The following HEATR5A variants were observed in gnomAD, a reference collection of about 807,000 sequenced individuals.
The protein encoded by HEATR5A is HEAT repeat containing 5A.
Under a neutral mutation model 218.8 loss-of-function variants are expected in HEATR5A, and 178 were observed. That is an observed-to-expected ratio of 0.81 (90% CI 0.72 to 0.92). The LOEUF (loss-of-function observed/expected upper bound fraction) is 0.92. Among genes scored for constraint, HEATR5A ranks in the 40% least tolerant of loss-of-function variants. HEATR5A has a pLI of 0.00. For missense variants in HEATR5A, 2,420 were observed against 2,418.9 expected, an observed-to-expected ratio of 1.00 and a Z score of -0.01; for synonymous variants, 864 against 871.6, an observed-to-expected ratio of 0.99 and a Z score of 0.15.
chr14:31,358,660 G>C lies in HEATR5A; in HGVS notation c.2388C>G (p.Cys796Trp), dbSNP rs777962758. The C allele has an allele frequency of 1.2e-6, 2 of 1,613,370 alleles. No homozygotes were observed. The highest frequency in any genetic ancestry group is 1.1e-5 in the South Asian group (1 of 90,992). Residue 796 changes from cysteine (C) to tryptophan (W), a missense_variant, in exon 16 of 36, where the codon TGC (cysteine) becomes TGG (tryptophan). Coordinates refer to ENST00000543095, the MANE Select transcript of HEATR5A (RefSeq NM_015473.4). ...SSASKLFGVV[C>W]AHVGETQRLL... is the part of the protein sequence containing the mutation. ...ACCTTTGAGTTTCTCCCACATGAGC[G>C]CATACAACCCCAAAGAGCTTGGATG... is the stretch of plus-strand genomic sequence containing the variant.
rs556476037 is a variant in HEATR5A at position 31,293,276 on chromosome 14, T to TGC, written c.*28_*29insGC. ...AGGCAATGATCAAGTATTTATTATA[T>TGC]TAAGGTGCTTACTATTCCAAAAAAA... On this transcript the variant is annotated 3_prime_UTR_variant, in exon 36 of 36. Coordinates refer to ENST00000543095, the MANE Select transcript of HEATR5A (RefSeq NM_015473.4). The TGC allele has an allele frequency of 3.2e-5, 48 of 1,516,904 alleles. No individual in the cohort carries two copies. Among genetic ancestry groups the TGC allele is most frequent in the Non-Finnish European group, 4.2e-5 (47 of 1,122,800 alleles). 94.0% of individuals were successfully genotyped at this position (1,516,904 alleles called of 1,614,324 possible).
chr14:31,323,426 T>G (rs1296682015), intron 24 of HEATR5A, 139 bp downstream of exon 24: 1 of 534,880 alleles, frequency 1.9e-6, no homozygotes, highest in African/African-American at 2.0e-5. Context: ...CCTCCCAAAG[T>G]GTTAGGATTA....
chr14:31,349,529 C>T (rs1459419769), intron 18 of HEATR5A, among the ~76,000 whole-genome samples: 11 of 152,188 alleles, frequency 7.2e-5, no homozygotes, highest in African/African-American at 2.7e-4. Context: ...TAGAGTCCAT[C>T]CCATTGATGA....
chr14:31,417,236 T>C (rs981152434), intron 1 of HEATR5A, among the ~76,000 whole-genome samples: 4 of 151,746 alleles, frequency 2.6e-5, no homozygotes, highest in African/African-American at 7.3e-5. Flanking sequence ...AGAGAAAATA[T>C]AAAAACTCTT....
intron 22 of HEATR5A, among the ~76,000 whole-genome samples, chr14:31,336,586 A>G (rs1478975510): frequency 4.4e-5 from 3 of 68,566 alleles, no homozygotes; most frequent in Non-Finnish European, 1.4e-4. Flanking sequence ...ATATACACTT[A>G]AATCTTACTG....
intron 3 of HEATR5A, 63 bp downstream of exon 3, chr14:31,400,238 C>G: frequency 3.6e-6 from 4 of 1,107,722 alleles, no homozygotes; most frequent in Non-Finnish European, 3.9e-6. Context: ...ACTATGGGTA[C>G]TTCATAAAAA....
At position 31,369,430 on chromosome 14, in the gene HEATR5A, T is replaced by G. The variant is rs551762812; in HGVS notation, c.1961+2380A>C. Among the ~76,000 whole-genome samples the G allele has an allele frequency of 2.6e-5, 4 of 151,996 alleles. No homozygotes were observed. In the East Asian group the frequency reaches 7.7e-4, roughly 29 times the overall value. ...AAGTTCAAAACCAGCCTGGCCAACA[T>G]GGCAAAATCCTGTCTCTATGAAAAA... On this transcript the variant is annotated intron_variant, in intron 13 of 35. Transcript: ENST00000543095.
rs1053510705 is a variant in HEATR5A at position 31,350,561 on chromosome 14, A to C, written c.2517+51T>G. ...TCCTCCGACAAACTTCATTGGCTAC[A>C]AATTTTTTAAAAAATGAAGCCAACA... On this transcript the variant is annotated intron_variant, in intron 17 of 35. Transcript: ENST00000543095. 20 of 1,034,618 alleles carry C rather than the reference A, an allele frequency of 1.9e-5. No individual in the cohort carries two copies. In the African/African-American group the frequency reaches 3.2e-4, roughly 17 times the overall value. 64.1% of individuals were successfully genotyped at this position (1,034,618 alleles called of 1,614,324 possible). A position where few individuals can be genotyped will look rare whatever the true frequency, so the allele number is the denominator to read the frequency against.
chr14:31,343,972 GC>G lies in HEATR5A; in HGVS notation c.3151del (p.Ala1051ProfsTer27), dbSNP rs867250034. The G allele has an allele frequency of 6.2e-7, 1 of 1,611,810 alleles. No homozygotes were observed. Reference sequence around the variant, plus strand: ...ATGAAGCTGCTGAAGGCAAGAGATGGCCTGAGCTTGAACAAGGCAGTCTGGG... The same window carrying G: ...ATGAAGCTGCTGAAGGCAAGAGATGGCTGAGCTTGAACAAGGCAGTCTGGG... ...DNPDCLVQAQ[A>X]ISCLQQLHMF... On this transcript the variant is annotated frameshift_variant, in exon 21 of 36. Transcript: ENST00000543095. LOFTEE classifies it high-confidence loss of function.
chr14:31,399,392 A>G (rs1010241344), intron 3 of HEATR5A, among the ~76,000 whole-genome samples: 3 of 152,252 alleles, frequency 2.0e-5, no homozygotes, highest in East Asian at 3.8e-4. Flanking sequence ...GAACTCAGCT[A>G]CATATTAGAT....
chr14:31,316,066 T>C (rs1899902690), intron 26 of HEATR5A, 117 bp from the exon 27 acceptor site: 3 of 736,314 alleles, frequency 4.1e-6, no homozygotes, highest in East Asian at 5.6e-5. Flanking sequence ...GCAGATCGCT[T>C]GAGCCCAGGA....
chr14:31,308,077 T>C, intron 29 of HEATR5A, 57 bp from the exon 30 acceptor site: 3 of 1,449,722 alleles, frequency 2.1e-6, no homozygotes, highest in Non-Finnish European at 2.8e-6. Context: ...TTTATGAAAT[T>C]AAGTAATTAA....
intron 24 of HEATR5A, among the ~76,000 whole-genome samples, chr14:31,323,251 C>G (rs1900165781): frequency 6.6e-6 from 1 of 152,158 alleles, no homozygotes. Flanking sequence ...AGCTCAAACT[C>G]CTGGGCTCAA....
At chr14:31,379,450 T>C (rs983535911) in intron 11 of HEATR5A, among the ~76,000 whole-genome samples, 6 of 151,682 alleles carry the variant, frequency 4.0e-5, no homozygotes, top group Non-Finnish European at 7.4e-5. Flanking sequence ...GGGTTTCACC[T>C]TGTTGGCCAG....
intron 33 of HEATR5A, among the ~76,000 whole-genome samples, chr14:31,298,208 T>C (rs980408845): frequency 3.6e-4 from 55 of 152,162 alleles, no homozygotes; most frequent in Admixed American, 8.5e-4. Context: ...CTGCTCCTAA[T>C]CCTGGACCCA....
intron 27 of HEATR5A, among the ~76,000 whole-genome samples, chr14:31,315,187 T>G (rs962614697): frequency 4.6e-5 from 7 of 152,052 alleles, no homozygotes; most frequent in African/African-American, 1.7e-4. Flanking sequence ...AAAAATTATA[T>G]GTGAACCAAG....
chr14:31,387,105 A>G lies in HEATR5A; in HGVS notation c.1189+15T>C. The G allele has an allele frequency of 6.2e-7, 1 of 1,613,428 alleles. No individual in the cohort carries two copies. ...TTAGCACTGTTAAACAAACTGTCTTAGTAGAGATCCATACCCATAACTTTC... is the reference window on the plus strand; with the variant it reads ...TTAGCACTGTTAAACAAACTGTCTTGGTAGAGATCCATACCCATAACTTTC... On this transcript the variant is annotated intron_variant, in intron 8 of 35. Transcript: ENST00000543095.
chr14:31,366,803 T>C (rs151138931), intron 13 of HEATR5A, among the ~76,000 whole-genome samples: 2 of 152,150 alleles, frequency 1.3e-5, no homozygotes, highest in East Asian at 3.9e-4. Context: ...AACATAAATA[T>C]CAATACCAAC....
At chr14:31,403,846 G>C (rs1024038012) in intron 1 of HEATR5A, among the ~76,000 whole-genome samples, 5 of 152,280 alleles carry the variant, frequency 3.3e-5, no homozygotes, top group African/African-American at 1.2e-4. Context: ...GCATATAAGT[G>C]TATGTATATA....
Sources: allele counts gnomAD v4.1 joint callset (sites outside exome capture counted in the v4.1 genomes callset), GRCh38; gene constraint gnomAD v4.1.1; transcripts MANE v1.5; gene names NCBI Gene and HGNC (gene_info 2026-07-23, HGNC 2026-07-21).